The following KDM4C variants were observed in gnomAD, a reference collection of about 807,000 sequenced individuals.
KDM4C encodes the protein lysine demethylase 4C.
KDM4C carries 81 observed loss-of-function variants against 129.3 expected under a neutral mutation model. That is an observed-to-expected ratio of 0.63 (90% confidence interval 0.52 to 0.75). The LOEUF (loss-of-function observed/expected upper bound fraction) is 0.75. KDM4C is among the 30% of genes least tolerant of loss of function. KDM4C has a pLI of 0.00. For synonymous variants in KDM4C, 573 were observed against 456.1 expected (o/e 1.26, Z -3.26); for missense variants, 1,457 against 1,304.0 (o/e 1.12, Z -1.81).
At chr9:6,864,634 A>T (rs75753263) in intron 5 of KDM4C, among the ~76,000 whole-genome samples, 1 of 151,230 alleles carries the variant, frequency 6.6e-6, no homozygotes. Flanking sequence ...ATGCCCAGCT[A>T]ATTTTTTTTT....
intron 2 of KDM4C, among the ~76,000 whole-genome samples, chr9:6,799,780 C>T (rs1828577905): frequency 6.6e-6 from 1 of 150,676 alleles, no homozygotes; most frequent in South Asian, 2.1e-4. Context: ...TGGCTTATTT[C>T]CGAGGAAAAA....
intron 20 of KDM4C, among the ~76,000 whole-genome samples, chr9:7,169,049 T>A (rs368113689): frequency 1.4e-4 from 18 of 128,058 alleles, no homozygotes; most frequent in Admixed American, 4.8e-4. Context: ...TGTCTCAATT[T>A]AAAAAAAAAA....
At chr9:6,905,593 T>C (rs907923684) in intron 8 of KDM4C, among the ~76,000 whole-genome samples, 1 of 152,250 alleles carries the variant, frequency 6.6e-6, no homozygotes, top group African/African-American at 2.4e-5. Context: ...ATGATTCTTT[T>C]GAGAAAGCAT....
chr9:6,912,182 C>T (rs956032749), intron 8 of KDM4C, among the ~76,000 whole-genome samples: 2 of 152,260 alleles, frequency 1.3e-5, no homozygotes, highest in Non-Finnish European at 2.9e-5. Context: ...GCCCACCTGC[C>T]CCTTCCTCCT....
In KDM4C at chr9:6,986,472, G is replaced by C. The variant is rs1422717862; in HGVS notation, c.1483G>C (p.Glu495Gln). 1 of 1,614,130 alleles carries C rather than the reference G, an allele frequency of 6.2e-7. No individual in the cohort carries two copies. Among genetic ancestry groups the C allele is most frequent in the Non-Finnish European group, 8.5e-7 (1 of 1,180,000 alleles). The change falls in exon 11 of 22, where the codon GAG (glutamate) becomes CAG (glutamine). Residue 495 changes from glutamate (E) to glutamine (Q), a missense_variant. Coordinates refer to ENST00000381309, the MANE Select transcript of KDM4C (RefSeq NM_015061.6). ...TTCCATTCCATTGTCTAGTGGCTAT[G>C]AGAAGCCCGAGAAATCAGACCCATC... is the stretch of plus-strand genomic sequence containing the variant. ...DDSIPLSSGYEKPEKSDPSEL... is the reference protein window; with the variant it reads ...DDSIPLSSGYQKPEKSDPSEL...
At chr9:6,964,801 A>C (rs1185359917) in intron 8 of KDM4C, among the ~76,000 whole-genome samples, 2 of 148,906 alleles carry the variant, frequency 1.3e-5, no homozygotes, top group South Asian at 4.3e-4. Flanking sequence ...AAAAAAAAAA[A>C]CCACAGACTG....
chr9:7,103,441 A>G (rs545508061), intron 17 of KDM4C, among the ~76,000 whole-genome samples: 1 of 152,192 alleles, frequency 6.6e-6, no homozygotes, highest in Non-Finnish European at 1.5e-5. Flanking sequence ...TTTCCTTGCT[A>G]CAAGAAATAG....
intron 17 of KDM4C, among the ~76,000 whole-genome samples, chr9:7,082,575 C>A (rs1834659253): frequency 6.6e-6 from 1 of 152,128 alleles, no homozygotes; most frequent in South Asian, 2.1e-4. Context: ...CTCAGGGTGC[C>A]TTCATGGGGC....
intron 17 of KDM4C, among the ~76,000 whole-genome samples, chr9:7,064,021 T>G (rs1007028787): frequency 6.6e-6 from 1 of 152,240 alleles, no homozygotes; most frequent in African/African-American, 2.4e-5. Context: ...GCTTGGAATG[T>G]GTCAGTGTTA....
chr9:7,066,811 G>A (rs1371760693), intron 17 of KDM4C, among the ~76,000 whole-genome samples: 1 of 152,166 alleles, frequency 6.6e-6, no homozygotes, highest in Non-Finnish European at 1.5e-5. Context: ...GAGTAGTGCT[G>A]CAGATATTTG....
intron 1 of KDM4C, among the ~76,000 whole-genome samples, chr9:6,786,751 A>G (rs1371513632): frequency 6.6e-6 from 1 of 152,200 alleles, no homozygotes; most frequent in African/African-American, 2.4e-5. Flanking sequence ...GAAGAACTCA[A>G]GGAACAGAAC....
chr9:6,994,244 G>C (rs1473969601), intron 12 of KDM4C, among the ~76,000 whole-genome samples: 1 of 152,114 alleles, frequency 6.6e-6, no homozygotes, highest in African/African-American at 2.4e-5. Flanking sequence ...TTTACTAACA[G>C]GCCACGGACT....
chr9:6,917,223 G>A (rs1168926150), intron 8 of KDM4C, among the ~76,000 whole-genome samples: 1 of 152,014 alleles, frequency 6.6e-6, no homozygotes, highest in Non-Finnish European at 1.5e-5. Context: ...CTTAATATGA[G>A]CACCATATAG....
intron 16 of KDM4C, among the ~76,000 whole-genome samples, chr9:7,047,382 A>T (rs892154825): frequency 6.6e-5 from 10 of 151,994 alleles, no homozygotes; most frequent in African/African-American, 2.4e-4. Flanking sequence ...GTACTAAATT[A>T]GAAAAGATAG....
intron 21 of KDM4C, among the ~76,000 whole-genome samples, chr9:7,173,054 C>G (rs370138075): frequency 3.3e-5 from 5 of 152,254 alleles, no homozygotes; most frequent in African/African-American, 9.6e-5. Context: ...CAAATACTAG[C>G]CACATTGTTT....
Position 6,783,462 on chromosome 9 carries a change from A to T in KDM4C, c.-17-9510A>T, listed in dbSNP as rs532253535. ...AGCAGACTGGACTGAGATTCATGAG[A>T]GAGAGGCCCATGTAGCATTTTTCCG... On this transcript the variant is annotated intron_variant, in intron 1 of 21. Coordinates refer to ENST00000381309, the MANE Select transcript of KDM4C (RefSeq NM_015061.6). Among the ~76,000 whole-genome samples the T allele has an allele frequency of 2.6e-4, 40 of 152,322 alleles. 1 individual carries two copies. Among genetic ancestry groups the T allele is most frequent in the African/African-American group, 9.1e-4 (38 of 41,570 alleles).
In KDM4C at chr9:6,880,019, A is replaced by G. The variant is rs767499349; in HGVS notation, c.637A>G (p.Ile213Val). Residue 213 changes from isoleucine to valine, a missense_variant, in exon 6 of 22, where the codon ATA becomes GTA. Transcript: ENST00000381309. The stretch of plus-strand genomic sequence containing the variant: ...TTATGTTTAAAATTTTAGGTATGCT[A>G]TACCTCCGGAGCATGGAAAACGACT... ...HFGEPKSWYA[I>V]PPEHGKRLER... The G allele has an allele frequency of 1.2e-5, 19 of 1,583,562 alleles. No homozygotes were observed. The highest frequency in any genetic ancestry group is 6.8e-5 in the African/African-American group (5 of 73,718).
At chr9:6,721,963 C>T (rs1816968757) in intron 1 of KDM4C, among the ~76,000 whole-genome samples, 1 of 152,256 alleles carries the variant, frequency 6.6e-6, no homozygotes, top group South Asian at 2.1e-4. Context: ...TGCAAGCAAT[C>T]CTCTTGCCTT....
intron 1 of KDM4C, among the ~76,000 whole-genome samples, chr9:6,744,386 A>C (rs113291848): frequency 5.3e-5 from 8 of 152,084 alleles, no homozygotes; most frequent in South Asian, 2.1e-4. Context: ...TTAGCTGGGC[A>C]TGGTGGCGTG....
Sources: gnomAD v4.1 joint callset for allele counts (sites outside exome capture counted in the v4.1 genomes callset) on GRCh38, gnomAD v4.1.1 for gene constraint, MANE v1.5 for transcripts, NCBI Gene and HGNC (gene_info 2026-07-23, HGNC 2026-07-21) for gene names.